Variants in MACROD2 observed in about 807,000 individuals in gnomAD.
MACROD2 encodes ADP-ribose glycohydrolase MACROD2.
MACROD2 carries 36 observed loss-of-function variants against 70.4 expected under a neutral mutation model. The ratio of observed to expected loss-of-function variants is 0.51; its 90% CI spans 0.39 to 0.68. MACROD2 has a LOEUF of 0.68. Ranked by LOEUF, MACROD2 falls within the 30% of genes least tolerant of loss-of-function variation. The pLI is 0.00. For synonymous variants in MACROD2, 172 were observed against 178.8 expected (o/e 0.96, Z 0.30); for missense variants, 496 against 538.4 (o/e 0.92, Z 0.78).
chr20:15,674,381 T>G (rs1257543263), intron 8 of MACROD2, among the ~76,000 whole-genome samples: 2 of 152,068 alleles, frequency 1.3e-5, no homozygotes, highest in East Asian at 3.9e-4. Context: ...GGGGAGGCAG[T>G]GCGACAGGGA....
intron 8 of MACROD2, among the ~76,000 whole-genome samples, chr20:15,564,283 G>T (rs571028832): frequency 6.6e-6 from 1 of 152,122 alleles, no homozygotes; most frequent in African/African-American, 2.4e-5. Context: ...TATGCTACCC[G>T]ACGTAACACT....
At chr20:15,161,293 CAAGTTA>C (rs1382281267) in intron 5 of MACROD2, among the ~76,000 whole-genome samples, 3 of 151,390 alleles carry the variant, frequency 2.0e-5, no homozygotes, top group African/African-American at 7.3e-5. Flanking sequence ...GGACCTAAAT[CAAGTTA>C]TATTATTATA....
chr20:15,885,421 G>A (rs904330777), intron 9 of MACROD2, among the ~76,000 whole-genome samples: 1 of 152,140 alleles, frequency 6.6e-6, no homozygotes, highest in African/African-American at 2.4e-5. Flanking sequence ...GTTAGAACAT[G>A]TGGCATTTAA....
intron 2 of MACROD2, among the ~76,000 whole-genome samples, chr20:14,057,481 A>G (rs866220687): frequency 5.2e-4 from 79 of 152,308 alleles, no homozygotes; most frequent in African/African-American, 1.8e-3. Flanking sequence ...AACTGTAAAG[A>G]CATAATATTA....
intron 5 of MACROD2, among the ~76,000 whole-genome samples, chr20:15,149,688 G>T (rs543262205): frequency 6.6e-6 from 1 of 152,004 alleles, no homozygotes; most frequent in African/African-American, 2.4e-5. Flanking sequence ...GTATTAGGGC[G>T]GCAGCAGCTG....
intron 6 of MACROD2, among the ~76,000 whole-genome samples, chr20:15,321,366 T>C (rs1345570088): frequency 6.9e-6 from 1 of 144,478 alleles, no homozygotes; most frequent in Non-Finnish European, 1.6e-5. Flanking sequence ...AAACTATTTC[T>C]AGTCCTTAGC....
At chr20:16,039,104 G>A (rs1215033971) in intron 15 of MACROD2, among the ~76,000 whole-genome samples, 1 of 151,894 alleles carries the variant, frequency 6.6e-6, no homozygotes, top group Non-Finnish European at 1.5e-5. Flanking sequence ...CTTGACACAT[G>A]TGCAATGTCA....
At chr20:15,230,138 G>A in intron 6 of MACROD2, 77 bp downstream of exon 6, 3 of 1,395,998 alleles carry the variant, frequency 2.1e-6, no homozygotes, top group Non-Finnish European at 2.9e-6. Context: ...TCTAAAGAGA[G>A]GTAGGAAACC....
intron 4 of MACROD2, among the ~76,000 whole-genome samples, chr20:14,667,861 G>C (rs939489012): frequency 6.6e-6 from 1 of 152,058 alleles, no homozygotes; most frequent in African/African-American, 2.4e-5. Flanking sequence ...TATGTGAATC[G>C]AAAGCTCTCA....
intron 7 of MACROD2, among the ~76,000 whole-genome samples, chr20:15,464,772 T>C (rs2146421616): frequency 6.6e-6 from 1 of 152,342 alleles, no homozygotes; most frequent in South Asian, 2.1e-4. Context: ...GCTCTGCCTC[T>C]AGATCGGCTT....
At chr20:15,767,727 G>T (rs1486017167) in intron 8 of MACROD2, among the ~76,000 whole-genome samples, 4 of 152,104 alleles carry the variant, frequency 2.6e-5, no homozygotes, top group African/African-American at 7.2e-5. Flanking sequence ...TGTATTCATT[G>T]TTAATTTTCC....
chr20:15,817,066 A>G (rs1367555515), intron 8 of MACROD2, among the ~76,000 whole-genome samples: 1 of 152,214 alleles, frequency 6.6e-6, no homozygotes, highest in Non-Finnish European at 1.5e-5. Context: ...GATTCTTCTC[A>G]CAAGTTGTGG....
At chr20:14,627,498 A>G (rs1056834413) in intron 4 of MACROD2, among the ~76,000 whole-genome samples, 3 of 152,220 alleles carry the variant, frequency 2.0e-5, no homozygotes, top group South Asian at 2.1e-4. Flanking sequence ...CTTCAGTTCA[A>G]TCCCGTTTCT....
At chr20:15,217,473 A>G (rs2076820879) in intron 5 of MACROD2, among the ~76,000 whole-genome samples, 1 of 152,082 alleles carries the variant, frequency 6.6e-6, no homozygotes, top group Non-Finnish European at 1.5e-5. Context: ...GGTTATGGAG[A>G]CTTGTTTTTC....
chr20:16,020,007 C>T (rs1330971387), intron 15 of MACROD2, among the ~76,000 whole-genome samples: 2 of 152,164 alleles, frequency 1.3e-5, no homozygotes, highest in African/African-American at 2.4e-5. Context: ...AAAGGGCTCA[C>T]CTCCCAACTG....
At chr20:14,281,340 T>C (rs1362133434) in intron 3 of MACROD2, among the ~76,000 whole-genome samples, 1 of 152,200 alleles carries the variant, frequency 6.6e-6, no homozygotes, top group Non-Finnish European at 1.5e-5. Flanking sequence ...ATTGTATCAT[T>C]CCATTTACAT....
chr20:14,567,385 A>G (rs966764349), intron 4 of MACROD2, among the ~76,000 whole-genome samples: 4 of 152,040 alleles, frequency 2.6e-5, no homozygotes, highest in Non-Finnish European at 4.4e-5. Flanking sequence ...ACAGTGTTGT[A>G]TAAAAATAAA....
chr20:14,861,775 G>A lies in MACROD2; in HGVS notation c.418+176816G>A, dbSNP rs142295859. ...TGAGCTGGGCACTTTTAGGTGGAATGACCTCCCGAAGGGCTAACCCCATCT... is the reference window on the plus strand; with the variant it reads ...TGAGCTGGGCACTTTTAGGTGGAATAACCTCCCGAAGGGCTAACCCCATCT... On this transcript the variant is annotated intron_variant, in intron 5 of 17. Transcript: ENST00000684519. Among the ~76,000 whole-genome samples the A allele has an allele frequency of 6.4e-4, 96 of 149,898 alleles. 1 individual carries two copies. The East Asian group carries it at 6.7e-3, about 10-fold the overall frequency.
At chr20:15,198,928 T>C (rs2076630696) in intron 5 of MACROD2, among the ~76,000 whole-genome samples, 1 of 152,112 alleles carries the variant, frequency 6.6e-6, no homozygotes, top group Non-Finnish European at 1.5e-5. Context: ...TCTTTTCTAA[T>C]AGTTGTTTTA....
Sources: allele counts gnomAD v4.1 joint callset (sites outside exome capture counted in the v4.1 genomes callset), GRCh38; gene constraint gnomAD v4.1.1; transcripts MANE v1.5; gene names NCBI Gene and HGNC (gene_info 2026-07-23, HGNC 2026-07-21).